Variants in ENKUR observed in about 807,000 individuals in gnomAD.
The protein encoded by ENKUR is enkurin.
Under a neutral mutation model 27.6 loss-of-function variants are expected in ENKUR, and 19 were observed. The observed-to-expected ratio is 0.69, with a 90% CI of 0.48 to 1.01. ENKUR has a LOEUF of 1.01. Ranked by LOEUF, ENKUR falls within the 50% of genes least tolerant of loss-of-function variation. The probability of loss-of-function intolerance (pLI) is 0.00; values close to 1 mark genes in which losing one functional copy is unlikely to be tolerated. For missense variants in ENKUR, 312 were observed against 310.5 expected (o/e 1.00, Z -0.04); for synonymous variants, 117 against 96.9 (o/e 1.21, Z -1.22).
intron 2 of ENKUR, among the ~76,000 whole-genome samples, chr10:25,044,767 T>G (rs1448405433): frequency 6.6e-6 from 1 of 152,248 alleles, no homozygotes; most frequent in African/African-American, 2.4e-5. Flanking sequence ...CAGTTCGTTC[T>G]TTCCAGTTTC....
rs758413188 is a variant in ENKUR, at chr10:25,024,922, C to G, written c.38-29053G>C. 5.6e-6 allele frequency: 9 copies of G among 1,613,880 alleles called. No individual in the cohort carries two copies. The South Asian group carries it at 8.8e-5, about 16-fold the overall frequency. ...AACCTTTTCACCGTCAATAGATATT[C>G]TCAAATCTTCAAACCTAGAACGACA... On this transcript the variant is annotated intron_variant, in intron 2 of 5. Transcript: ENST00000615958.
chr10:25,024,252 T>C (rs1266755693), intron 2 of ENKUR: 6 of 1,614,116 alleles, frequency 3.7e-6, no homozygotes, highest in Admixed American at 1.7e-5. Flanking sequence ...TGGAGTTGTT[T>C]CATGGACCAA....
At chr10:25,020,844 G>C (rs1452025853), upstream of ENKUR, among the ~76,000 whole-genome samples, 1 of 151,916 alleles carries the variant, frequency 6.6e-6, no homozygotes. Flanking sequence ...AACTCAAAAA[G>C]AAGAAACTGT....
chr10:25,049,178 A>G (rs550611692), intron 2 of ENKUR, among the ~76,000 whole-genome samples: 2 of 152,242 alleles, frequency 1.3e-5, no homozygotes, highest in African/African-American at 4.8e-5. Context: ...TTAACTGTAA[A>G]TTACTTAGAG....
In ENKUR at chr10:25,061,187, G is replaced by A. The variant is rs1345277021; in HGVS notation, c.-39C>T. 5.2e-6 allele frequency: 8 copies of A among 1,533,298 alleles called. No homozygotes were observed. The Admixed American group carries it at 1.2e-4, about 23-fold the overall frequency. 95.0% of individuals were successfully genotyped at this position (1,533,298 alleles called of 1,614,324 possible). Reference sequence around the variant, plus strand: ...CAATCTCCATAAGAAGTTCATAGGTGTTGGACACGTGTGGCCAGGCCCTGG... The same window carrying A: ...CAATCTCCATAAGAAGTTCATAGGTATTGGACACGTGTGGCCAGGCCCTGG... On this transcript the variant is annotated 5_prime_UTR_variant, in exon 2 of 6. Coordinates refer to the ENKUR transcript ENST00000615958.
At chr10:24,991,891 A>G (rs937230987) in intron 3 of ENKUR, among the ~76,000 whole-genome samples, 4 of 152,180 alleles carry the variant, frequency 2.6e-5, no homozygotes, top group African/African-American at 4.8e-5. Context: ...AGCTGTAAAC[A>G]TCGACCCATA....
At chr10:24,984,540 C>T in intron 5 of ENKUR, 164 bp from the exon 6 acceptor site, 1 of 1,128,130 alleles carries the variant, frequency 8.9e-7, no homozygotes, top group Non-Finnish European at 1.2e-6. Context: ...GAAAACGTGA[C>T]ACTAGTAAAA....
chr10:24,991,539 G>A (rs1306999063), intron 3 of ENKUR, among the ~76,000 whole-genome samples: 1 of 152,114 alleles, frequency 6.6e-6, no homozygotes, highest in East Asian at 1.9e-4. Context: ...CCAGCATGCC[G>A]GCAGGCCATC....
intron 2 of ENKUR, among the ~76,000 whole-genome samples, chr10:25,033,308 G>C (rs1454893210): frequency 1.3e-5 from 2 of 150,220 alleles, no homozygotes; most frequent in Non-Finnish European, 2.9e-5. Context: ...TGAGGCTGAG[G>C]CAGGAATATT....
chr10:25,016,049 G>A lies in ENKUR; in HGVS notation c.-113C>T. ...TTTCTTTCTTCTTCGCCTTCTGAAG[G>A]ACCACAGGTTCTCTCCTTCACATCG... is the stretch of plus-strand genomic sequence containing the variant. On this transcript the variant is annotated 5_prime_UTR_variant, in exon 1 of 6. Coordinates refer to ENST00000331161, the MANE Select transcript of ENKUR (RefSeq NM_145010.4). The A allele has an allele frequency of 2.7e-6, 4 of 1,457,244 alleles. No individual in the cohort carries two copies. The highest frequency in any genetic ancestry group is 3.6e-6 in the Non-Finnish European group (4 of 1,100,056). 90.3% of individuals were successfully genotyped at this position (1,457,244 alleles called of 1,614,324 possible).
At chr10:24,996,169 C>T (rs112530616) in intron 2 of ENKUR, among the ~76,000 whole-genome samples, 6 of 152,030 alleles carry the variant, frequency 3.9e-5, no homozygotes, top group Non-Finnish European at 8.8e-5. Flanking sequence ...TTGAGGAGGC[C>T]GGGCACGGTG....
upstream of ENKUR, among the ~76,000 whole-genome samples, chr10:25,020,955 T>C (rs1309984213): frequency 1.3e-5 from 2 of 152,186 alleles, no homozygotes; most frequent in African/African-American, 4.8e-5. Flanking sequence ...TACCAGAATA[T>C]GGTTTAATAA....
At chr10:25,021,492 G>T (rs1588672911) in intron 2 of ENKUR, among the ~76,000 whole-genome samples, 1 of 151,974 alleles carries the variant, frequency 6.6e-6, no homozygotes, top group Non-Finnish European at 1.5e-5. Context: ...TTATTATTTG[G>T]TTTTTTATTG....
intron 2 of ENKUR, chr10:25,025,827 A>G (rs1269542291): frequency 5.4e-6 from 1 of 185,312 alleles, no homozygotes; most frequent in Admixed American, 5.9e-5. Flanking sequence ...TAACTAGTGA[A>G]TACTCTGTTG....
intron 3 of ENKUR, among the ~76,000 whole-genome samples, chr10:24,991,776 C>G (rs558694320): frequency 3.8e-4 from 58 of 152,350 alleles, no homozygotes; most frequent in African/African-American, 1.3e-3. Context: ...TGGAAGCCCT[C>G]TGTCCTTGTC....
chr10:25,052,808 A>C (rs564275224), intron 2 of ENKUR, among the ~76,000 whole-genome samples: 1 of 151,804 alleles, frequency 6.6e-6, no homozygotes, highest in East Asian at 1.9e-4. Context: ...ACGGAATTTC[A>C]TTCTTGTTAC....
intron 2 of ENKUR, among the ~76,000 whole-genome samples, chr10:25,044,421 G>A (rs1851098755): frequency 1.3e-5 from 2 of 152,128 alleles, no homozygotes; most frequent in Admixed American, 1.3e-4. Context: ...CTTAGAGATA[G>A]CGTTTCACTC....
Position 25,023,714 on chromosome 10 carries a change from G to A in ENKUR, c.38-27845C>T, listed in dbSNP as rs750985721. ...GTACCTCTACTAGATCTAATTTGTCGTCTAAAATTAATGAAGACAGATAGG... is the reference window on the plus strand; with the variant it reads ...GTACCTCTACTAGATCTAATTTGTCATCTAAAATTAATGAAGACAGATAGG... On this transcript the variant is annotated intron_variant, in intron 2 of 5. Transcript: ENST00000615958. The A allele has an allele frequency of 5.0e-5, 81 of 1,613,746 alleles. No individual in the cohort carries two copies. The highest frequency in any genetic ancestry group is 8.0e-5 in the African/African-American group (6 of 75,008).
intron 5 of ENKUR, 42 bp downstream of exon 5, chr10:24,984,694 C>A (rs1849742654): frequency 6.6e-7 from 1 of 1,515,354 alleles, no homozygotes; most frequent in Non-Finnish European, 8.9e-7. Context: ...ATGTTTTTTT[C>A]CCCTACATTG....
Sources: allele counts gnomAD v4.1 joint callset (sites outside exome capture counted in the v4.1 genomes callset), GRCh38; gene constraint gnomAD v4.1.1; transcripts MANE v1.5; gene names NCBI Gene and HGNC (gene_info 2026-07-23, HGNC 2026-07-21).